STK32C: variants seen among roughly 807,000 people sequenced by gnomAD.
The protein encoded by STK32C is serine/threonine kinase 32C.
In STK32C, 31 loss-of-function variants were observed where a neutral mutation model predicts 56.5. That is an observed-to-expected ratio of 0.55 (90% confidence interval 0.41 to 0.74). The LOEUF (loss-of-function observed/expected upper bound fraction) is 0.74. Among genes scored for constraint, STK32C ranks in the 30% least tolerant of loss-of-function variants. The probability of loss-of-function intolerance (pLI) is 0.00; values close to 1 mark genes in which losing one functional copy is unlikely to be tolerated. For synonymous variants in STK32C, 309 were observed against 289.4 expected, an observed-to-expected ratio of 1.07 and a Z score of -0.69; for missense variants, 544 against 676.9, an observed-to-expected ratio of 0.80 and a Z score of 2.18.
At chr10:132,257,904 G>A (rs915264435) in intron 1 of STK32C, among the ~76,000 whole-genome samples, 2 of 152,118 alleles carry the variant, frequency 1.3e-5, no homozygotes, top group Non-Finnish European at 2.9e-5. Context: ...AGGAGGCCGC[G>A]GCCCAGCAGG....
At chr10:132,285,542 G>C (rs2065374725) in intron 1 of STK32C, among the ~76,000 whole-genome samples, 1 of 152,354 alleles carries the variant, frequency 6.6e-6, no homozygotes, top group South Asian at 2.1e-4. Flanking sequence ...TGATCATACA[G>C]TTAGGTGACT....
intron 1 of STK32C, among the ~76,000 whole-genome samples, chr10:132,286,896 T>G (rs1308801119): frequency 6.6e-6 from 1 of 152,040 alleles, no homozygotes; most frequent in Non-Finnish European, 1.5e-5. Flanking sequence ...TCCCAGAGAG[T>G]GCAATGAGGC....
chr10:132,330,344 T>A, intron 1 of STK32C: 1 of 668,608 alleles, frequency 1.5e-6, no homozygotes, highest in South Asian at 1.6e-5. Context: ...TGAAACTTGT[T>A]AGAAATAGCA....
downstream of STK32C, among the ~76,000 whole-genome samples, chr10:132,319,266 G>A (rs2066362300): frequency 6.6e-6 from 1 of 152,144 alleles, no homozygotes; most frequent in Non-Finnish European, 1.5e-5. Context: ...AGCTACACTG[G>A]AAAACAGTTC....
At chr10:132,283,533 C>A (rs2065280594) in intron 1 of STK32C, among the ~76,000 whole-genome samples, 1 of 152,208 alleles carries the variant, frequency 6.6e-6, no homozygotes, top group African/African-American at 2.4e-5. Flanking sequence ...TCTAGAAAGG[C>A]AGATTCCCTC....
chr10:132,307,526 C>G lies in STK32C; in HGVS notation c.262+46G>C. 1 of 1,519,828 alleles carries G rather than the reference C, an allele frequency of 6.6e-7. No individual in the cohort carries two copies. Among genetic ancestry groups the G allele is most frequent in the Admixed American group, 2.1e-5 (1 of 48,742 alleles). 94.1% of individuals were successfully genotyped at this position (1,519,828 alleles called of 1,614,324 possible). On this transcript the variant is annotated intron_variant, in intron 1 of 11. Coordinates refer to ENST00000298630, the MANE Select transcript of STK32C (RefSeq NM_173575.4). This position sits in a 1 kb window ranked among gnomAD's most constrained non-coding sequence, Gnocchi z 4.4. ...AAAAGCCGCCCAGCCGCGCCCGCCC[C>G]TGCAATAGCGCGCGGCCCCCACGTC...
intron 1 of STK32C, among the ~76,000 whole-genome samples, chr10:132,317,892 C>T (rs142521045): frequency 1.2e-4 from 18 of 150,074 alleles, no homozygotes; most frequent in South Asian, 2.1e-4. Context: ...GCAGGAGAAT[C>T]GCTTGAACCC....
Position 132,281,018 on chromosome 10 carries a change from C to T in STK32C, c.262+26554G>A, listed in dbSNP as rs576710165. On this transcript the variant is annotated intron_variant, in intron 1 of 11. Transcript: ENST00000298630. Reference sequence around the variant, plus strand: ...ACTCCGTGATCACGCCCCTGCACTCCGTGATCACGTCCCTGCACTCCGTGA... The same window carrying T: ...ACTCCGTGATCACGCCCCTGCACTCTGTGATCACGTCCCTGCACTCCGTGA... 4.2e-3 allele frequency among the ~76,000 whole-genome samples: 627 copies of T among 149,324 alleles called. 3 individuals carry two copies. The highest frequency in any genetic ancestry group is 8.0e-3 in the South Asian group (35 of 4,360).
chr10:132,260,068 A>G (rs1004378274), intron 1 of STK32C, among the ~76,000 whole-genome samples: 5 of 128,748 alleles, frequency 3.9e-5, no homozygotes, highest in South Asian at 2.3e-4. Context: ...AGTCTGGTTC[A>G]GGAAAAAAAA....
intron 10 of STK32C, among the ~76,000 whole-genome samples, chr10:132,222,049 C>T (rs757763705): frequency 1.3e-5 from 2 of 150,326 alleles, no homozygotes; most frequent in Non-Finnish European, 3.0e-5. Flanking sequence ...CATGGCCATC[C>T]CTGCACACAC....
At chr10:132,245,977 C>G in intron 1 of STK32C, 22 bp from the exon 2 acceptor site, 7 of 1,612,992 alleles carry the variant, frequency 4.3e-6, no homozygotes, top group Non-Finnish European at 5.9e-6. Flanking sequence ...AACAGAGGGA[C>G]ACCTGGTGAG....
chr10:132,237,352 C>T (rs1375620904), intron 2 of STK32C, among the ~76,000 whole-genome samples: 1 of 152,234 alleles, frequency 6.6e-6, no homozygotes, highest in African/African-American at 2.4e-5. Flanking sequence ...AAGGACCATG[C>T]ACACGCCTGT....
chr10:132,292,967 G>A (rs1230614340), intron 1 of STK32C, among the ~76,000 whole-genome samples: 2 of 151,752 alleles, frequency 1.3e-5, no homozygotes, highest in Non-Finnish European at 2.9e-5. Flanking sequence ...CTCCAGTGCT[G>A]CAAGTCACTC....
At chr10:132,292,876 C>T (rs989331624) in intron 1 of STK32C, among the ~76,000 whole-genome samples, 3 of 152,190 alleles carry the variant, frequency 2.0e-5, no homozygotes, top group African/African-American at 4.8e-5. Flanking sequence ...CGCGACGACC[C>T]GCTGCCGGTC....
At position 132,245,973 on chromosome 10, in the gene STK32C, G is replaced by A. The variant is rs368759342; in HGVS notation, c.263-18C>T. On this transcript the variant is annotated intron_variant, in intron 1 of 11. Transcript: ENST00000298630. ...GAAGTTCACTGCAGGATAAAACAGA[G>A]GGACACCTGGTGAGGTGGCAGCAAG... 1.2e-6 allele frequency: 2 copies of A among 1,613,200 alleles called. No homozygotes were observed. Among genetic ancestry groups the A allele is most frequent in the South Asian group, 1.1e-5 (1 of 91,074 alleles).
intron 1 of STK32C, among the ~76,000 whole-genome samples, chr10:132,290,818 A>G (rs1278349944): frequency 1.3e-5 from 2 of 151,934 alleles, no homozygotes; most frequent in African/African-American, 2.4e-5. Context: ...GCCCAGGGCT[A>G]CCATGCTCGA....
chr10:132,208,111 CG>C lies in STK32C; in HGVS notation c.1359del (p.Ala454ProfsTer176). The C allele has an allele frequency of 7.6e-7, 1 of 1,310,908 alleles. No individual in the cohort carries two copies. Among genetic ancestry groups the C allele is most frequent in the Non-Finnish European group, 9.8e-7 (1 of 1,021,362 alleles). 81.2% of individuals were successfully genotyped at this position (1,310,908 alleles called of 1,614,324 possible). A position where few individuals can be genotyped will look rare whatever the true frequency, so the allele number is the denominator to read the frequency against. On this transcript the variant is annotated frameshift_variant, in exon 12 of 12. Coordinates refer to ENST00000298630, the MANE Select transcript of STK32C (RefSeq NM_173575.4). LOFTEE classifies it low-confidence loss of function (END_TRUNC). Reference protein sequence around the residue: ...RSQDLPREPLPAPESRDAAEP... With the variant: ...RSQDLPREPLXAPESRDAAEP... ...TCCGCAGCATCCCTGGACTCAGGGG[CG>C]GGGAGAGGCTCCCTCGGGAGGTCCT...
intron 1 of STK32C, among the ~76,000 whole-genome samples, chr10:132,305,283 G>T (rs539365459): frequency 7.9e-5 from 12 of 152,322 alleles, no homozygotes; most frequent in African/African-American, 2.9e-4. Flanking sequence ...AATGGTTCTG[G>T]AGTCCACAAG....
chr10:132,230,154 G>A (rs2063041068), intron 2 of STK32C, among the ~76,000 whole-genome samples: 1 of 152,242 alleles, frequency 6.6e-6, no homozygotes. Flanking sequence ...GGAGGGCGGG[G>A]CGGGGCGGGA....
Sources: allele counts gnomAD v4.1 joint callset (sites outside exome capture counted in the v4.1 genomes callset), GRCh38; gene constraint gnomAD v4.1.1; non-coding constraint Gnocchi (gnomAD v3.1); transcripts MANE v1.5; gene names NCBI Gene and HGNC (gene_info 2026-07-23, HGNC 2026-07-21).